HTR4: variants seen among roughly 807,000 people sequenced by gnomAD.
The protein encoded by HTR4 is 5-hydroxytryptamine (serotonin) receptor 4, G protein-coupled.
HTR4 carries 16 observed loss-of-function variants against 36.8 expected under a neutral mutation model. The observed-to-expected ratio is 0.43, with a 90% CI of 0.29 to 0.66. HTR4 has a LOEUF of 0.66. Ranked by LOEUF, HTR4 falls within the 30% of genes least tolerant of loss-of-function variation. The pLI is 0.13. For synonymous variants in HTR4, 189 were observed against 185.1 expected (o/e 1.02, Z -0.17); for missense variants, 438 against 490.9 (o/e 0.89, Z 1.02).
chr5:148,500,430 G>C (rs1756885828), intron 6 of HTR4, among the ~76,000 whole-genome samples: 1 of 152,012 alleles, frequency 6.6e-6, no homozygotes, highest in South Asian at 2.1e-4. Context: ...GAGTTAGCAA[G>C]AAAACCAGGA....
intron 2 of HTR4, among the ~76,000 whole-genome samples, chr5:148,569,326 G>A (rs1225251376): frequency 6.6e-6 from 1 of 152,026 alleles, no homozygotes; most frequent in African/African-American, 2.4e-5. Flanking sequence ...TGGAGACAGG[G>A]AGAGGAGCAA....
chr5:148,462,711 A>G (rs1755306968), intron 5 of HTR4, among the ~76,000 whole-genome samples: 1 of 152,140 alleles, frequency 6.6e-6, no homozygotes, highest in African/African-American at 2.4e-5. Flanking sequence ...AAAAAAACAA[A>G]AAACCCTATA....
At chr5:148,513,315 C>T (rs941051493) in intron 5 of HTR4, among the ~76,000 whole-genome samples, 6 of 152,146 alleles carry the variant, frequency 3.9e-5, no homozygotes, top group Admixed American at 3.9e-4. Context: ...TGCTTCTACC[C>T]ACCAGAAATT....
At chr5:148,635,990 T>C (rs1753521246) in intron 2 of HTR4, among the ~76,000 whole-genome samples, 1 of 152,160 alleles carries the variant, frequency 6.6e-6, no homozygotes. Flanking sequence ...TTATTTGAAA[T>C]ATATATATTA....
chr5:148,546,108 T>C (rs1180874398), intron 4 of HTR4, among the ~76,000 whole-genome samples: 1 of 152,162 alleles, frequency 6.6e-6, no homozygotes, highest in Non-Finnish European at 1.5e-5. Flanking sequence ...TCAGAATAAC[T>C]ACCTGGTTTC....
At chr5:148,526,456 T>A (rs180682530) in intron 4 of HTR4, among the ~76,000 whole-genome samples, 1 of 152,256 alleles carries the variant, frequency 6.6e-6, no homozygotes, top group African/African-American at 2.4e-5. Flanking sequence ...ATCAATATAA[T>A]TTTTGAGGTT....
At chr5:148,631,651 T>C (rs889918312) in intron 2 of HTR4, among the ~76,000 whole-genome samples, 1 of 152,178 alleles carries the variant, frequency 6.6e-6, no homozygotes, top group Non-Finnish European at 1.5e-5. Context: ...TCAACTTTTC[T>C]GTTTAAAAAA....
intron 2 of HTR4, among the ~76,000 whole-genome samples, chr5:148,576,934 A>G (rs1316507900): frequency 6.6e-6 from 1 of 152,144 alleles, no homozygotes; most frequent in Non-Finnish European, 1.5e-5. Context: ...ACAAAGACCA[A>G]AAGCAAACAC....
At chr5:148,631,504 A>G (rs1024376464) in intron 2 of HTR4, among the ~76,000 whole-genome samples, 2 of 152,180 alleles carry the variant, frequency 1.3e-5, no homozygotes, top group African/African-American at 4.8e-5. Flanking sequence ...TAGGGCAAAC[A>G]ACTAACACAC....
At chr5:148,605,304 G>C (rs2127273599) in intron 2 of HTR4, among the ~76,000 whole-genome samples, 1 of 140,766 alleles carries the variant, frequency 7.1e-6, no homozygotes, top group East Asian at 2.1e-4. Context: ...TGTCGCCCAG[G>C]CTAGAGTGCA....
intron 6 of HTR4, among the ~76,000 whole-genome samples, chr5:148,508,014 C>T (rs1401422019): frequency 2.0e-5 from 3 of 152,136 alleles, no homozygotes; most frequent in African/African-American, 7.2e-5. Context: ...CCAGCTGAAA[C>T]CACAACACCA....
At chr5:148,539,149 G>T (rs891987653) in intron 4 of HTR4, among the ~76,000 whole-genome samples, 2 of 152,270 alleles carry the variant, frequency 1.3e-5, no homozygotes, top group Middle Eastern at 3.4e-3. Flanking sequence ...TCAATAAATG[G>T]TGCTGGGTAA....
chr5:148,613,192 C>T (rs981632470), intron 2 of HTR4, among the ~76,000 whole-genome samples: 6 of 151,296 alleles, frequency 4.0e-5, no homozygotes, highest in Middle Eastern at 3.4e-3. Flanking sequence ...AGGCCAGCAT[C>T]ATTCTGATAT....
intron 4 of HTR4, among the ~76,000 whole-genome samples, chr5:148,538,161 G>C (rs1282420200): frequency 6.6e-6 from 1 of 151,976 alleles, no homozygotes; most frequent in Non-Finnish European, 1.5e-5. Context: ...GCAGAAAAAG[G>C]CTTTCAATAA....
chr5:148,519,919 T>A (rs1157681924), intron 5 of HTR4, among the ~76,000 whole-genome samples: 1 of 152,196 alleles, frequency 6.6e-6, no homozygotes, highest in Non-Finnish European at 1.5e-5. Flanking sequence ...AGAAAATACA[T>A]GTTTTAGATA....
intron 6 of HTR4, chr5:148,490,894 T>C (rs1756388024): frequency 4.4e-6 from 2 of 455,964 alleles, no homozygotes; most frequent in Non-Finnish European, 8.7e-6. Context: ...CTCTTTGCTC[T>C]AAGCTCAGCA....
intron 5 of HTR4, among the ~76,000 whole-genome samples, chr5:148,458,413 AG>A (rs530229632): frequency 1.3e-5 from 2 of 151,988 alleles, no homozygotes; most frequent in South Asian, 4.1e-4. Context: ...GACATATCAG[AG>A]TGGAGACACA....
intron 2 of HTR4, among the ~76,000 whole-genome samples, chr5:148,565,713 G>A (rs1056304057): frequency 2.6e-5 from 4 of 152,136 alleles, no homozygotes; most frequent in Admixed American, 1.3e-4. Flanking sequence ...GGGAGTGAAG[G>A]TGATGGGAGA....
At chr5:148,599,131 A>T (rs1332139507) in intron 2 of HTR4, among the ~76,000 whole-genome samples, 1 of 152,202 alleles carries the variant, frequency 6.6e-6, no homozygotes. Flanking sequence ...ACAAAAGGAA[A>T]GTATAGCCGA....
Sources: gnomAD v4.1 joint callset for allele counts (sites outside exome capture counted in the v4.1 genomes callset) on GRCh38, gnomAD v4.1.1 for gene constraint, MANE v1.5 for transcripts, NCBI Gene and HGNC (gene_info 2026-07-23, HGNC 2026-07-21) for gene names.